The following MROH9 variants were observed in gnomAD, a reference collection of about 807,000 sequenced individuals.
The protein encoded by MROH9 is maestro heat like repeat family member 9.
A neutral mutation model predicts 98.2 loss-of-function variants in MROH9; 92 were observed. The observed-to-expected ratio is 0.94, with a 90% CI of 0.79 to 1.11. MROH9 has a LOEUF of 1.11. Ranked by LOEUF, MROH9 falls within the 50% of genes most tolerant of loss-of-function variation. MROH9 has a pLI of 0.00. For synonymous variants in MROH9, 397 were observed against 368.9 expected (o/e 1.08, Z -0.87); for missense variants, 1,057 against 1,014.8 (o/e 1.04, Z -0.57).
chr1:170,960,871 C>T (rs563837680), intron 5 of MROH9, among the ~76,000 whole-genome samples: 2 of 152,240 alleles, frequency 1.3e-5, no homozygotes, highest in Admixed American at 1.3e-4. Flanking sequence ...TCTAGCAATC[C>T]TCCCACCTTG....
intron 7 of MROH9, among the ~76,000 whole-genome samples, chr1:170,969,755 G>A (rs1359090435): frequency 6.6e-6 from 1 of 152,132 alleles, no homozygotes; most frequent in Non-Finnish European, 1.5e-5. Flanking sequence ...GAATACTTAG[G>A]TTTAGGAGTG....
chr1:171,048,849 T>C (rs905746300), intron 20 of MROH9, among the ~76,000 whole-genome samples: 1 of 152,172 alleles, frequency 6.6e-6, no homozygotes, highest in Non-Finnish European at 1.5e-5. Flanking sequence ...CCAAGGGCTC[T>C]TCAGTTATCA....
At chr1:170,984,073 A>G (rs1156558291) in intron 9 of MROH9, among the ~76,000 whole-genome samples, 1 of 152,212 alleles carries the variant, frequency 6.6e-6, no homozygotes, top group Non-Finnish European at 1.5e-5. Flanking sequence ...ATAGCCATAT[A>G]TTCTCCCTCA....
intron 20 of MROH9, among the ~76,000 whole-genome samples, chr1:171,033,649 T>G (rs1653002733): frequency 6.6e-6 from 1 of 152,208 alleles, no homozygotes; most frequent in Admixed American, 6.5e-5. Flanking sequence ...ACATGCTTAT[T>G]ATGTTTTTGT....
chr1:170,996,451 T>G (rs1004581005), intron 13 of MROH9, 56 bp from the exon 14 acceptor site: 2 of 1,593,306 alleles, frequency 1.3e-6, no homozygotes, highest in South Asian at 1.1e-5. Context: ...TAATGTGTAT[T>G]TAGTTTTTTG....
At chr1:171,037,869 T>C (rs534390005) in intron 20 of MROH9, among the ~76,000 whole-genome samples, 1 of 152,078 alleles carries the variant, frequency 6.6e-6, no homozygotes, top group Non-Finnish European at 1.5e-5. Context: ...TTGGGACACC[T>C]GCTGAGCCAT....
intron 3 of MROH9, among the ~76,000 whole-genome samples, chr1:170,949,833 C>T (rs546367292): frequency 6.6e-6 from 1 of 152,042 alleles, no homozygotes; most frequent in East Asian, 1.9e-4. Context: ...AAACATATTT[C>T]CCCCAATTCC....
At chr1:171,028,312 G>A (rs1206938776) in intron 20 of MROH9, among the ~76,000 whole-genome samples, 2 of 152,114 alleles carry the variant, frequency 1.3e-5, no homozygotes, top group African/African-American at 2.4e-5. Flanking sequence ...GTTTTTAGCA[G>A]GTTTGTCGAA....
intron 20 of MROH9, among the ~76,000 whole-genome samples, chr1:171,031,554 T>C (rs1189052610): frequency 6.6e-6 from 1 of 152,230 alleles, no homozygotes; most frequent in Non-Finnish European, 1.5e-5. Context: ...TTTGGCTGGA[T>C]ATGAAATTCT....
chr1:171,036,895 G>A (rs1176812364), intron 20 of MROH9, among the ~76,000 whole-genome samples: 1 of 151,540 alleles, frequency 6.6e-6, no homozygotes, highest in Non-Finnish European at 1.5e-5. Flanking sequence ...ACATTATTTG[G>A]GAATTCACAT....
intron 20 of MROH9, among the ~76,000 whole-genome samples, chr1:171,053,065 C>T (rs892243122): frequency 6.6e-6 from 1 of 152,140 alleles, no homozygotes; most frequent in Non-Finnish European, 1.5e-5. Context: ...TCAAAGGCAT[C>T]CTTGGCTGTA....
chr1:171,022,847 C>T (rs534673876), intron 17 of MROH9, among the ~76,000 whole-genome samples: 38 of 152,172 alleles, frequency 2.5e-4, no homozygotes, highest in South Asian at 2.3e-3. Context: ...AGCTATTTTA[C>T]ATAAATCTCT....
At chr1:171,052,671 C>T (rs1038491704) in intron 20 of MROH9, among the ~76,000 whole-genome samples, 2 of 152,096 alleles carry the variant, frequency 1.3e-5, no homozygotes, top group African/African-American at 2.4e-5. Context: ...CTACTGCCCA[C>T]GGAATGGCAG....
intron 21 of MROH9, 72 bp downstream of exon 21, chr1:171,062,266 CAT>C: frequency 9.1e-7 from 1 of 1,097,912 alleles, no homozygotes; most frequent in Non-Finnish European, 1.3e-6. Context: ...ATTCTAGTCA[CAT>C]ATGAGTTCTG....
intron 15 of MROH9, among the ~76,000 whole-genome samples, chr1:171,006,542 A>T (rs955145777): frequency 1.3e-5 from 2 of 152,076 alleles, no homozygotes; most frequent in African/African-American, 4.8e-5. Flanking sequence ...CCTATAGGAG[A>T]GAGAACATTT....
intron 15 of MROH9, among the ~76,000 whole-genome samples, chr1:171,012,698 T>C (rs1440409336): frequency 6.6e-6 from 1 of 151,842 alleles, no homozygotes; most frequent in East Asian, 1.9e-4. Context: ...AGAGACGGGG[T>C]TTCACCATGT....
chr1:170,981,449 T>C (rs1363623497), intron 8 of MROH9, among the ~76,000 whole-genome samples: 1 of 152,188 alleles, frequency 6.6e-6, no homozygotes. Context: ...AATGAGATCA[T>C]GGCCTTTGCA....
In MROH9 at chr1:171,004,424, C is replaced by T. The variant is rs1420465014; in HGVS notation, c.1596+6150C>T. 5.3e-5 allele frequency among the ~76,000 whole-genome samples: 8 copies of T among 152,278 alleles called. No homozygotes were observed. The South Asian group carries it at 1.2e-3, about 24-fold the overall frequency. The stretch of plus-strand genomic sequence containing the variant: ...GACCCAGTGAACTCCCAGGGCCTTT[C>T]TGCTGCTTCCCCTACCCCTGTATTT... On this transcript the variant is annotated intron_variant, in intron 15 of 21. Coordinates refer to ENST00000367759, the MANE Select transcript of MROH9 (RefSeq NM_001163629.2).
chr1:170,935,652 C>T (rs1055413823), intron 1 of MROH9, 65 bp downstream of exon 1: 6 of 152,012 alleles, frequency 3.9e-5, no homozygotes, highest in Non-Finnish European at 7.4e-5. Flanking sequence ...ATCCTGACTA[C>T]TTTTCTTAAT....
Sources: allele counts gnomAD v4.1 joint callset (sites outside exome capture counted in the v4.1 genomes callset), GRCh38; gene constraint gnomAD v4.1.1; transcripts MANE v1.5; gene names NCBI Gene and HGNC (gene_info 2026-07-23, HGNC 2026-07-21).